Variants in GRID2 observed in about 807,000 individuals in gnomAD.
GRID2 encodes glutamate ionotropic receptor delta type subunit 2, also known as glutamate receptor ionotropic, delta-2.
GRID2 carries 33 observed loss-of-function variants against 114.8 expected under a neutral mutation model. The observed-to-expected ratio is 0.29, with a 90% CI of 0.22 to 0.38. The LOEUF (loss-of-function observed/expected upper bound fraction) is 0.38. Ranked by LOEUF, GRID2 falls within the 10% of genes least tolerant of loss-of-function variation. GRID2 has a pLI of 1.00. For synonymous variants in GRID2, 505 were observed against 449.9 expected (o/e 1.12, Z -1.55); for missense variants, 1,184 against 1,257.7 (o/e 0.94, Z 0.89).
chr4:92,626,146 C>T (rs555532193), intron 2 of GRID2, among the ~76,000 whole-genome samples: 1 of 151,934 alleles, frequency 6.6e-6, no homozygotes, highest in Non-Finnish European at 1.5e-5. Context: ...AACACCAAGC[C>T]ATATGACAAA....
chr4:93,327,214 G>T (rs1242399578), intron 8 of GRID2, among the ~76,000 whole-genome samples: 1 of 151,986 alleles, frequency 6.6e-6, no homozygotes, highest in East Asian at 1.9e-4. Context: ...TTTCCCTTTT[G>T]CTCCAGATCA....
chr4:93,336,363 A>C (rs1244362347), intron 8 of GRID2, among the ~76,000 whole-genome samples: 1 of 151,968 alleles, frequency 6.6e-6, no homozygotes, highest in African/African-American at 2.4e-5. Flanking sequence ...AGGTAGCTCT[A>C]TTTCAGTCAT....
intron 2 of GRID2, among the ~76,000 whole-genome samples, chr4:92,990,442 T>C (rs932879600): frequency 4.0e-5 from 6 of 151,662 alleles, no homozygotes; most frequent in African/African-American, 1.5e-4. Flanking sequence ...CCTGAGTAGC[T>C]GGGATTACAG....
At chr4:93,317,566 C>A (rs1560492504) in intron 8 of GRID2, among the ~76,000 whole-genome samples, 1 of 152,066 alleles carries the variant, frequency 6.6e-6, no homozygotes. Flanking sequence ...GGAGAAATTT[C>A]TCTATCTATT....
At chr4:93,340,731 G>A (rs981210048) in intron 8 of GRID2, among the ~76,000 whole-genome samples, 30 of 152,132 alleles carry the variant, frequency 2.0e-4, no homozygotes, top group Admixed American at 7.9e-4. Context: ...CTAATGTCCC[G>A]AAGATGAAAG....
At chr4:92,448,820 C>G (rs1394435335) in intron 1 of GRID2, among the ~76,000 whole-genome samples, 1 of 151,924 alleles carries the variant, frequency 6.6e-6, no homozygotes, top group Non-Finnish European at 1.5e-5. Flanking sequence ...TTTTAATTAA[C>G]AGGAACATGT....
intron 2 of GRID2, among the ~76,000 whole-genome samples, chr4:92,748,360 G>A (rs76830133): frequency 1.2e-4 from 18 of 152,170 alleles, no homozygotes; most frequent in African/African-American, 3.4e-4. Context: ...GAGGACCAGC[G>A]ACACCACCAT....
chr4:92,468,561 A>G (rs2149093693), intron 1 of GRID2, among the ~76,000 whole-genome samples: 1 of 152,248 alleles, frequency 6.6e-6, no homozygotes, highest in South Asian at 2.1e-4. Flanking sequence ...AAGTTTAAGT[A>G]AGATACAGTT....
chr4:93,680,988 T>C (rs1725470513), intron 14 of GRID2, among the ~76,000 whole-genome samples: 1 of 151,350 alleles, frequency 6.6e-6, no homozygotes, highest in South Asian at 2.1e-4. Flanking sequence ...GGAAGTCCAA[T>C]TGTCCCTGTT....
chr4:92,959,560 G>A lies in GRID2; in HGVS notation c.245-125435G>A, dbSNP rs532856899. ...ACTATAAAGACACATTCACATTTAT[G>A]TTTATTGCAGCACTATTCACAATAG... On this transcript the variant is annotated intron_variant, in intron 2 of 15. Transcript: ENST00000282020. Among the ~76,000 whole-genome samples, 6 of 152,152 alleles carry A rather than the reference G, an allele frequency of 3.9e-5. No homozygotes were observed. In the East Asian group the frequency reaches 9.7e-4, roughly 25 times the overall value.
chr4:93,122,888 G>A (rs78544325), intron 4 of GRID2, among the ~76,000 whole-genome samples: 1 of 59,754 alleles, frequency 1.7e-5, no homozygotes, highest in Non-Finnish European at 3.1e-5. Flanking sequence ...CCACAGATGT[G>A]GGTTTTTTTT....
chr4:93,759,984 A>T (rs1358045193), intron 14 of GRID2, among the ~76,000 whole-genome samples: 1 of 152,186 alleles, frequency 6.6e-6, no homozygotes, highest in Non-Finnish European at 1.5e-5. Context: ...TGAAAGCAGA[A>T]TGTATCACTT....
intron 2 of GRID2, among the ~76,000 whole-genome samples, chr4:92,750,371 C>T (rs1295544215): frequency 1.3e-5 from 2 of 152,126 alleles, no homozygotes; most frequent in African/African-American, 4.8e-5. Context: ...ATTCTACTTT[C>T]GCTAAGCCCT....
At chr4:93,416,659 C>T (rs1246996206) in intron 9 of GRID2, among the ~76,000 whole-genome samples, 1 of 152,056 alleles carries the variant, frequency 6.6e-6, no homozygotes, top group Non-Finnish European at 1.5e-5. Context: ...AACAATATTA[C>T]TTAGTTATTA....
chr4:93,656,557 G>A (rs187686755), intron 14 of GRID2, among the ~76,000 whole-genome samples: 6 of 151,832 alleles, frequency 4.0e-5, no homozygotes, highest in Non-Finnish European at 5.9e-5. Flanking sequence ...TAGGCCGAGC[G>A]CGGTGGCTCA....
intron 1 of GRID2, among the ~76,000 whole-genome samples, chr4:93,789,947 A>G (rs1734663538): frequency 6.6e-6 from 1 of 152,114 alleles, no homozygotes; most frequent in Non-Finnish European, 1.5e-5. Context: ...TCAGCATTAG[A>G]TTCTCATAGG....
chr4:93,737,548 G>A (rs1256773189), intron 14 of GRID2, among the ~76,000 whole-genome samples: 1 of 151,976 alleles, frequency 6.6e-6, no homozygotes. Context: ...AACATAGCAA[G>A]ACCCTGTCTC....
At chr4:92,647,409 A>C (rs1325415018) in intron 2 of GRID2, among the ~76,000 whole-genome samples, 1 of 63,314 alleles carries the variant, frequency 1.6e-5, no homozygotes, top group Non-Finnish European at 3.5e-5. Flanking sequence ...GTTCAGTCTA[A>C]TTAGATATAC....
intron 1 of GRID2, among the ~76,000 whole-genome samples, chr4:92,522,492 A>C (rs958893170): frequency 6.6e-6 from 1 of 152,006 alleles, no homozygotes; most frequent in Non-Finnish European, 1.5e-5. Context: ...CTGTCATTCC[A>C]GCTGCTGAGA....
Sources: gnomAD v4.1 joint callset for allele counts (sites outside exome capture counted in the v4.1 genomes callset) on GRCh38, gnomAD v4.1.1 for gene constraint, MANE v1.5 for transcripts, NCBI Gene and HGNC (gene_info 2026-07-23, HGNC 2026-07-21) for gene names.